The following MYBL2 variants were observed in gnomAD, a reference collection of about 807,000 sequenced individuals.
The protein encoded by MYBL2 is MYB proto-oncogene like 2, also known as myb-related protein B.
In MYBL2, 28 loss-of-function variants were observed where a neutral mutation model predicts 79.9. The observed-to-expected ratio is 0.35, with a 90% CI of 0.26 to 0.48. The LOEUF is 0.48. MYBL2 is among the 20% of genes least tolerant of loss of function. The probability of loss-of-function intolerance (pLI) is 0.99; values close to 1 mark genes in which losing one functional copy is unlikely to be tolerated. For synonymous variants in MYBL2, 378 were observed against 361.2 expected (o/e 1.05, Z -0.53); for missense variants, 735 against 893.9 (o/e 0.82, Z 2.27).
At chr20:43,715,340 C>CTGAG in intron 13 of MYBL2, 57 bp downstream of exon 13, 1 of 1,608,282 alleles carries the variant, frequency 6.2e-7, no homozygotes, top group Non-Finnish European at 8.5e-7. Flanking sequence ...TAGCTCAGGG[C>CTGAG]TGAGTGCTGG....
At chr20:43,711,654 A>G (rs1334435171) in intron 11 of MYBL2, 53 bp downstream of exon 11, 1 of 1,478,130 alleles carries the variant, frequency 6.8e-7, no homozygotes, top group Non-Finnish European at 9.3e-7. Flanking sequence ...GAGCCGTGGC[A>G]TGGGGGAGGC....
intron 4 of MYBL2, among the ~76,000 whole-genome samples, chr20:43,683,259 A>G (rs543983401): frequency 1.3e-5 from 2 of 152,330 alleles, no homozygotes; most frequent in South Asian, 2.1e-4. Context: ...GCTATCCCTG[A>G]TTTAATGATG....
intron 2 of MYBL2, 142 bp downstream of exon 2, chr20:43,674,041 A>G: frequency 4.0e-6 from 3 of 743,300 alleles, no homozygotes; most frequent in South Asian, 3.3e-5. Flanking sequence ...GATTGTCCTC[A>G]TGCCTCTTCT....
In MYBL2 at chr20:43,669,082, G is replaced by A. The variant is rs192642563; in HGVS notation, c.20+1779G>A. On this transcript the variant is annotated intron_variant, in intron 1 of 13. Coordinates refer to ENST00000217026, the MANE Select transcript of MYBL2 (RefSeq NM_002466.4). ...TTTCACTGTGTTGCTCAGGCAATCC[G>A]CCTGCCTTGGCCTCACAGAGTGCTA... Among the ~76,000 whole-genome samples the A allele has an allele frequency of 3.5e-3, 526 of 152,278 alleles. 3 individuals carry two copies. Among genetic ancestry groups the A allele is most frequent in the South Asian group, 0.021 (102 of 4,826 alleles).
chr20:43,689,338 C>T (rs1399278184), intron 5 of MYBL2, among the ~76,000 whole-genome samples: 1 of 152,174 alleles, frequency 6.6e-6, no homozygotes, highest in East Asian at 1.9e-4. Flanking sequence ...CTTTCTGGGG[C>T]TTCCCCTGAC....
At chr20:43,698,761 T>G (rs1987616652) in intron 6 of MYBL2, among the ~76,000 whole-genome samples, 1 of 149,334 alleles carries the variant, frequency 6.7e-6, no homozygotes, top group Non-Finnish European at 1.5e-5. Flanking sequence ...CTTGAACTCA[T>G]GAACTCAAGG....
At chr20:43,679,557 G>GT (rs1987097439) in intron 2 of MYBL2, among the ~76,000 whole-genome samples, 1 of 152,010 alleles carries the variant, frequency 6.6e-6, no homozygotes, top group African/African-American at 2.4e-5. Flanking sequence ...TTGCCTGAGT[G>GT]TAAGAGTCCT....
intron 8 of MYBL2, 127 bp downstream of exon 8, chr20:43,703,030 C>G: frequency 9.4e-7 from 1 of 1,067,814 alleles, no homozygotes. Context: ...GTAGGAAGAC[C>G]AGGTAACTAA....
At chr20:43,700,109 A>G (rs285163) in intron 7 of MYBL2, 65 bp downstream of exon 7, 1,436,546 of 1,563,254 alleles carry the variant, frequency 0.92, 660,871 homozygotes, top group African/African-American at 0.93. Context: ...CTTCTCTCTC[A>G]GGCCCACATC....
chr20:43,713,512 C>T (rs1171051392), intron 12 of MYBL2, among the ~76,000 whole-genome samples: 2 of 151,992 alleles, frequency 1.3e-5, no homozygotes, highest in South Asian at 4.2e-4. Flanking sequence ...CTCAGCCTCC[C>T]AAGTAGCTGG....
At chr20:43,710,821 A>G (rs980333929) in intron 10 of MYBL2, among the ~76,000 whole-genome samples, 1 of 152,204 alleles carries the variant, frequency 6.6e-6, no homozygotes, top group Non-Finnish European at 1.5e-5. Flanking sequence ...GTGAGGCACT[A>G]GTTAGTGCTC....
At chr20:43,711,350 G>A (rs925235304) in intron 10 of MYBL2, 138 bp from the exon 11 acceptor site, 14 of 627,194 alleles carry the variant, frequency 2.2e-5, no homozygotes, top group African/African-American at 2.2e-4. Flanking sequence ...TGGTGCGTGT[G>A]AGATCTGCAT....
rs566053251 is a variant in MYBL2, at chr20:43,687,733, T to C, written c.500+661T>C. Among the ~76,000 whole-genome samples the C allele has an allele frequency of 3.3e-5, 5 of 152,250 alleles. No homozygotes were observed. The East Asian group carries it at 9.7e-4, about 29-fold the overall frequency. On this transcript the variant is annotated intron_variant, in intron 5 of 13. Transcript: ENST00000217026. The stretch of plus-strand genomic sequence containing the variant: ...ATAGTTATTAAAATAATAATGTTTA[T>C]GGACGGGCATGGTGGCTCATGCCTG...
intron 9 of MYBL2, among the ~76,000 whole-genome samples, chr20:43,707,117 C>G (rs1029589251): frequency 3.3e-5 from 5 of 150,736 alleles, no homozygotes; most frequent in Admixed American, 6.6e-5. Context: ...GAGTTTGAAG[C>G]TGCAGTGAGC....
In MYBL2 at chr20:43,702,554, G is replaced by A; in HGVS notation, c.1016G>A (p.Ser339Asn). 1.9e-6 allele frequency: 3 copies of A among 1,614,146 alleles called. No individual in the cohort carries two copies. The highest frequency in any genetic ancestry group is 2.5e-6 in the Non-Finnish European group (3 of 1,180,000). ...DLPEEPSAED[S>N]INNSLVQLQA... is the part of the protein sequence containing the mutation. ...CCTGAGGAACCATCTGCAGAGGACA[G>A]TATCAACAACAGCCTAGTGCAGCTG... The change falls in exon 8 of 14, where the codon AGT (serine) becomes AAT (asparagine). Residue 339 changes from serine to asparagine, a missense_variant. Physicochemically the swap from Ser to Asn is conservative, Grantham distance 46. This residue lies in a region of MYBL2 where 243 missense variants were observed against 327.2 expected (regional missense o/e 0.74). Transcript: ENST00000217026.
intron 5 of MYBL2, among the ~76,000 whole-genome samples, chr20:43,690,966 C>A (rs1303428495): frequency 6.6e-6 from 1 of 152,198 alleles, no homozygotes; most frequent in Non-Finnish European, 1.5e-5. Flanking sequence ...GCCTTTATTA[C>A]TACATGTTTC....
intron 12 of MYBL2, among the ~76,000 whole-genome samples, chr20:43,714,504 C>A (rs891314946): frequency 6.6e-6 from 1 of 152,258 alleles, no homozygotes; most frequent in South Asian, 2.1e-4. Flanking sequence ...TGTGCCCCCA[C>A]GTACTTGACT....
intron 13 of MYBL2, 150 bp downstream of exon 13, chr20:43,715,433 G>C (rs1428403450): frequency 7.5e-7 from 1 of 1,341,552 alleles, no homozygotes; most frequent in Non-Finnish European, 1.0e-6. Flanking sequence ...TGCTTTTCCT[G>C]CTACTTCCCG....
Position 43,716,170 on chromosome 20 carries a change from A to G in MYBL2, c.*83A>G. On this transcript the variant is annotated 3_prime_UTR_variant, in exon 14 of 14. Transcript: ENST00000217026. ...GGGTCTGTGAATCTGAGAGTCATTC[A>G]GGTGACCTCCTGCAGGGAGCCTTCT... The G allele has an allele frequency of 6.4e-7, 1 of 1,554,414 alleles. No homozygotes were observed. The highest frequency in any genetic ancestry group is 1.1e-5 in the South Asian group (1 of 88,688).
Sources: gnomAD v4.1 joint callset for allele counts (sites outside exome capture counted in the v4.1 genomes callset) on GRCh38, gnomAD v4.1.1 for gene constraint, gnomAD v4.1.1 regional missense constraint, MANE v1.5 for transcripts, NCBI Gene and HGNC (gene_info 2026-07-23, HGNC 2026-07-21) for gene names.